SPINK13: variants seen among roughly 807,000 people sequenced by gnomAD.
The protein encoded by SPINK13 is serine peptidase inhibitor Kazal type 13.
SPINK13 carries 11 observed loss-of-function variants against 11.0 expected under a neutral mutation model. The observed-to-expected ratio is 1.00, with a 90% CI of 0.63 to 1.65. The LOEUF (loss-of-function observed/expected upper bound fraction) is 1.65, where lower values mean the gene tolerates loss of function less well. SPINK13 is among the 40% of genes most tolerant of loss of function. SPINK13 has a pLI of 0.00. For synonymous variants in SPINK13, 31 were observed against 35.6 expected, an observed-to-expected ratio of 0.87 and a Z score of 0.46; for missense variants, 113 against 117.7, an observed-to-expected ratio of 0.96 and a Z score of 0.19.
chr5:148,278,309 C>G (rs967750797), intron 3 of SPINK13, among the ~76,000 whole-genome samples: 1 of 151,988 alleles, frequency 6.6e-6, no homozygotes, highest in African/African-American at 2.4e-5. Flanking sequence ...TGCCTTCTGC[C>G]AGCTTTTGAA....
intron 2 of SPINK13, 110 bp from the exon 3 acceptor site, chr5:148,274,237 T>C: frequency 1.5e-6 from 1 of 659,848 alleles, no homozygotes; most frequent in East Asian, 2.8e-5. Context: ...CTTTTGTATA[T>C]ATTTTCATTA....
intron 4 of SPINK13, 70 bp from the exon 5 acceptor site, chr5:148,285,930 G>A: frequency 1.1e-6 from 1 of 913,910 alleles, no homozygotes; most frequent in Non-Finnish European, 1.7e-6. Context: ...AGAAGATAAG[G>A]AAAAGTACAT....
At chr5:148,275,657 A>G in intron 3 of SPINK13, among the ~76,000 whole-genome samples, 1 of 148,308 alleles carries the variant, frequency 6.7e-6, no homozygotes, top group African/African-American at 2.5e-5. Flanking sequence ...TTGTTTCCTG[A>G]CTTTTTTTCT....
intron 4 of SPINK13, 24 bp from the exon 5 acceptor site, chr5:148,285,976 C>T (rs1296392704): frequency 1.9e-5 from 25 of 1,310,902 alleles, no homozygotes; most frequent in Non-Finnish European, 2.6e-5. Flanking sequence ...TGATACTAAT[C>T]TTCTTTTTTT....
At chr5:148,284,323 C>T (rs1249608498) in intron 4 of SPINK13, among the ~76,000 whole-genome samples, 1 of 151,744 alleles carries the variant, frequency 6.6e-6, no homozygotes, top group Non-Finnish European at 1.5e-5. Context: ...TCCTTCCTCC[C>T]TCTCTCCCTC....
chr5:148,278,569 GT>G (rs1206737052), intron 3 of SPINK13, among the ~76,000 whole-genome samples: 21 of 152,150 alleles, frequency 1.4e-4, no homozygotes, highest in African/African-American at 4.6e-4. Context: ...TTTCCATGTA[GT>G]TGTGCAGTTT....
At chr5:148,279,111 TTTTTTG>T in intron 3 of SPINK13, among the ~76,000 whole-genome samples, 1 of 144,444 alleles carries the variant, frequency 6.9e-6, no homozygotes, top group Non-Finnish European at 1.5e-5. Flanking sequence ...TTTTTTTTTT[TTTTTTG>T]CTTTCCATTT....
chr5:148,284,453 C>T (rs1277809852), intron 4 of SPINK13, among the ~76,000 whole-genome samples: 1 of 152,098 alleles, frequency 6.6e-6, no homozygotes, highest in African/African-American at 2.4e-5. Flanking sequence ...AGTTAAAAAC[C>T]GTTCAGTAAC....
At chr5:148,271,649 T>A (rs2113362306) in intron 2 of SPINK13, among the ~76,000 whole-genome samples, 1 of 152,272 alleles carries the variant, frequency 6.6e-6, no homozygotes, top group East Asian at 1.9e-4. Flanking sequence ...TTTTGTTTTG[T>A]TTTGTTCTGT....
At chr5:148,270,853 A>G (rs963346620) in intron 2 of SPINK13, 2 of 152,278 alleles carry the variant, frequency 1.3e-5, no homozygotes, top group African/African-American at 4.8e-5. Context: ...AGAAGTTAGA[A>G]TGGTGCAGTA....
intron 3 of SPINK13, among the ~76,000 whole-genome samples, chr5:148,275,455 T>G (rs776432937): frequency 3.2e-4 from 48 of 152,328 alleles, no homozygotes; most frequent in Admixed American, 2.4e-3. Context: ...TGTGTGCATG[T>G]GTTTTTTATA....
intron 4 of SPINK13, among the ~76,000 whole-genome samples, chr5:148,284,278 T>C (rs1756560445): frequency 6.6e-6 from 1 of 150,978 alleles, no homozygotes; most frequent in African/African-American, 2.4e-5. Flanking sequence ...AAGCTGGTAA[T>C]AATTCCTGGT....
chr5:148,285,875 A>T (rs1756582115), intron 4 of SPINK13, 125 bp from the exon 5 acceptor site: 2 of 514,386 alleles, frequency 3.9e-6, no homozygotes, highest in East Asian at 3.8e-5. Flanking sequence ...AAAAAGAAGG[A>T]TGTAAAGGGA....
At chr5:148,282,039 T>A in intron 3 of SPINK13, 65 bp from the exon 4 acceptor site, 1 of 1,592,676 alleles carries the variant, frequency 6.3e-7, no homozygotes, top group South Asian at 1.1e-5. Context: ...GGGGCAGAAG[T>A]GACAGGAAGA....
chr5:148,270,140 C>G lies in SPINK13; in HGVS notation c.68C>G (p.Ser23Ter). 6.2e-7 allele frequency: 1 copy of G among 1,613,872 alleles called. No homozygotes were observed. Among genetic ancestry groups the G allele is most frequent in the Non-Finnish European group, 8.5e-7 (1 of 1,179,810 alleles). The change falls in exon 2 of 5, where the codon TCA becomes TGA. Residue 23 changes from serine (S) to a stop codon, truncating the protein, a stop_gained and splice_region_variant. Coordinates refer to ENST00000398450, the MANE Select transcript of SPINK13 (RefSeq NM_001040129.3). LOFTEE classifies it high-confidence loss of function. Reference protein sequence around the residue: ...VCSTLTHVAFSGIFNKRDFTR... With the variant: ...VCSTLTHVAF The stretch of plus-strand genomic sequence containing the variant: ...TCTACTTTGACACATGTGGCTTTCT[C>G]AGGTGAGTAACCTAAGAGGTTTTGG...
intron 2 of SPINK13, among the ~76,000 whole-genome samples, chr5:148,273,328 TTTAGA>T (rs1456523148): frequency 6.6e-6 from 1 of 152,126 alleles, no homozygotes; most frequent in Non-Finnish European, 1.5e-5. Flanking sequence ...TGTTATTGTA[TTTAGA>T]TTAATGAATC....
intron 4 of SPINK13, among the ~76,000 whole-genome samples, chr5:148,283,859 A>T (rs1451728449): frequency 3.3e-5 from 5 of 152,200 alleles, no homozygotes; most frequent in Admixed American, 1.3e-4. Context: ...GGTCTTGCTG[A>T]TAATGCCCTG....
chr5:148,274,299 A>G (rs777014687), intron 2 of SPINK13, 48 bp from the exon 3 acceptor site: 75 of 1,416,688 alleles, frequency 5.3e-5, no homozygotes, highest in Non-Finnish European at 6.7e-5. Flanking sequence ...GTTATATCCC[A>G]TGGAGAACTA....
chr5:148,278,612 T>C (rs1356989656), intron 3 of SPINK13, among the ~76,000 whole-genome samples: 1 of 152,236 alleles, frequency 6.6e-6, no homozygotes, highest in Non-Finnish European at 1.5e-5. Context: ...AGTTGTACTT[T>C]GATTGCACTG....
Sources: gnomAD v4.1 joint callset for allele counts (sites outside exome capture counted in the v4.1 genomes callset) on GRCh38, gnomAD v4.1.1 for gene constraint, MANE v1.5 for transcripts, NCBI Gene and HGNC (gene_info 2026-07-23, HGNC 2026-07-21) for gene names.